PEAR1: variants seen among roughly 807,000 people sequenced by gnomAD.
The protein encoded by PEAR1 is platelet endothelial aggregation receptor 1.
A neutral mutation model predicts 131.2 loss-of-function variants in PEAR1; 113 were observed. That is an observed-to-expected ratio of 0.86 (90% CI 0.74 to 1.01). The LOEUF (loss-of-function observed/expected upper bound fraction) is 1.01. Ranked by LOEUF, PEAR1 falls within the 50% of genes least tolerant of loss-of-function variation. The pLI is 0.00. For synonymous variants in PEAR1, 565 were observed against 523.3 expected, an observed-to-expected ratio of 1.08 and a Z score of -1.09; for missense variants, 1,408 against 1,391.1, an observed-to-expected ratio of 1.01 and a Z score of -0.19.
In PEAR1 at chr1:156,903,913, T is replaced by C. The variant is rs758563670; in HGVS notation, c.-9-5T>C. 1.2e-6 allele frequency: 2 copies of C among 1,611,962 alleles called. No individual in the cohort carries two copies. Among genetic ancestry groups the C allele is most frequent in the Admixed American group, 1.7e-5 (1 of 59,996 alleles). On this transcript the variant is annotated splice_region_variant and splice_polypyrimidine_tract_variant and intron_variant, in intron 1 of 22. Transcript: ENST00000292357. Reference sequence around the variant, plus strand: ...ACTGCCCACTCTGCGCCGGTCTTGCTGCAGGCCTCTGCAATGTCACCGCCT... The same window carrying C: ...ACTGCCCACTCTGCGCCGGTCTTGCCGCAGGCCTCTGCAATGTCACCGCCT...
chr1:156,910,238 C>T lies in PEAR1; in HGVS notation c.1683C>T (p.Ala561=). 1.2e-6 allele frequency: 2 copies of T among 1,610,234 alleles called. No individual in the cohort carries two copies. Among genetic ancestry groups the T allele is most frequent in the South Asian group, 1.1e-5 (1 of 90,666 alleles). The stretch of plus-strand genomic sequence containing the variant: ...CCCGACTGCTGTCTCCCACAGGTGC[C>T]CGCTGCCACCTGTCCTGCCCTGAGG... The part of the protein sequence containing the change: ...RCQCQAGWMG[A]RCHLSCPEGL... Residue 561 remains alanine, a synonymous_variant, in exon 14 of 23, where the codon GCC becomes GCT. Transcript: ENST00000292357.
intron 16 of PEAR1, 59 bp downstream of exon 16, chr1:156,912,434 A>G (rs1651325518): frequency 1.9e-6 from 3 of 1,602,194 alleles, no homozygotes; most frequent in African/African-American, 1.3e-5. Context: ...ACCCAAAAAA[A>G]GGAGACTAGA....
chr1:156,896,492 C>A (rs756126821), intron 1 of PEAR1, among the ~76,000 whole-genome samples: 1 of 152,178 alleles, frequency 6.6e-6, no homozygotes, highest in Non-Finnish European at 1.5e-5. Context: ...TCCAGGGTGG[C>A]GGCGAGGGTT....
In PEAR1 at chr1:156,908,130, G is replaced by A; in HGVS notation, c.905G>A (p.Cys302Tyr). The A allele has an allele frequency of 6.3e-7, 1 of 1,597,306 alleles. No homozygotes were observed. Among genetic ancestry groups the A allele is most frequent in the Non-Finnish European group, 8.5e-7 (1 of 1,172,444 alleles). ...GGCTCACTCAGCTAGGTGCCCAGGT[G>A]CCGGGAGGAGTGCCCGGTGGGCCGC... The part of the protein sequence containing the change: ...RCAPGYTGDR[C>Y]REECPVGRFG... The change falls in exon 9 of 23, where the codon TGC (cysteine) becomes TAC (tyrosine). Residue 302 changes from cysteine (C) to tyrosine (Y), a missense_variant and splice_region_variant. Cys to Tyr is a radical substitution (Grantham distance 194, BLOSUM62 -2). Transcript: ENST00000292357. The surrounding 1 kb of genome is among the most constrained non-coding windows in gnomAD (Gnocchi z 4.2).
rs983053997 is a variant in PEAR1, at chr1:156,908,111, C to T, written c.903-17C>T. On this transcript the variant is annotated splice_polypyrimidine_tract_variant and intron_variant, in intron 8 of 22. Transcript: ENST00000292357. This position sits in a 1 kb window ranked among gnomAD's most constrained non-coding sequence, Gnocchi z 4.2. ...AGGAGGTGGGGCGCCGCCAGGCTCA[C>T]TCAGCTAGGTGCCCAGGTGCCGGGA... is the stretch of plus-strand genomic sequence containing the variant. 1 of 1,594,152 alleles carries T rather than the reference C, an allele frequency of 6.3e-7. No homozygotes were observed. Among genetic ancestry groups the T allele is most frequent in the African/African-American group, 1.3e-5 (1 of 74,840 alleles).
rs1478456457 is a variant in PEAR1, at chr1:156,908,584, G to C, written c.1116-71G>C. 6.4e-6 allele frequency: 9 copies of C among 1,398,732 alleles called. No homozygotes were observed. In the East Asian group the frequency reaches 1.3e-4, roughly 20 times the overall value. 86.6% of individuals were successfully genotyped at this position (1,398,732 alleles called of 1,614,324 possible). A position where few individuals can be genotyped will look rare whatever the true frequency, so the allele number is the denominator to read the frequency against. ...GCGATGTGCGAATCCCACTGACCACGCGGAGGGGTCGGGAAGCTGCCCTGC... is the reference window on the plus strand; with the variant it reads ...GCGATGTGCGAATCCCACTGACCACCCGGAGGGGTCGGGAAGCTGCCCTGC... On this transcript the variant is annotated intron_variant, in intron 9 of 22. Transcript: ENST00000292357. The surrounding 1 kb of genome is among the most constrained non-coding windows in gnomAD (Gnocchi z 4.2).
In PEAR1 at chr1:156,913,377, C is replaced by G. The variant is rs199565078; in HGVS notation, c.2512-14C>G. 1.6e-5 allele frequency: 26 copies of G among 1,612,732 alleles called. No individual in the cohort carries two copies. The highest frequency in any genetic ancestry group is 2.0e-5 in the Non-Finnish European group (23 of 1,179,420). On this transcript the variant is annotated splice_polypyrimidine_tract_variant and intron_variant, in intron 19 of 22. Coordinates refer to ENST00000292357, the MANE Select transcript of PEAR1 (RefSeq NM_001080471.3). The stretch of plus-strand genomic sequence containing the variant: ...CTTGCCTCTTGCTCTCCCTCCTGCA[C>G]TGTCCCCTCTTAGGTTCCAGGCCCG...
At chr1:156,905,087 G>GA (rs1558129698) in intron 3 of PEAR1, 1 of 1,358,460 alleles carries the variant, frequency 7.4e-7, no homozygotes, top group African/African-American at 1.5e-5. Context: ...GGGGTTGGGG[G>GA]GGGGGCAAGA....
chr1:156,908,655 C>A lies in PEAR1; in HGVS notation c.1116C>A (p.Ser372Arg), dbSNP rs1478738356. Reference protein sequence around the residue: ...PCTCDREHSLSCHPMNGECSC... With the variant: ...PCTCDREHSLRCHPMNGECSC... Reference sequence around the variant, plus strand: ...GCCACGCCCCCGCCTCTGCCCCCAGCTGCCACCCGATGAACGGGGAGTGCT... The same window carrying A: ...GCCACGCCCCCGCCTCTGCCCCCAGATGCCACCCGATGAACGGGGAGTGCT... The change falls in exon 10 of 23, where the codon AGC becomes AGA. Residue 372 changes from serine (S) to arginine (R), a missense_variant and splice_region_variant. By Grantham distance (110) the Ser-to-Arg change is moderately radical (BLOSUM62 -1). Transcript: ENST00000292357. The surrounding 1 kb of genome is among the most constrained non-coding windows in gnomAD (Gnocchi z 4.2). The A allele has an allele frequency of 1.3e-6, 2 of 1,523,018 alleles. No individual in the cohort carries two copies. The highest frequency in any genetic ancestry group is 2.8e-5 in the African/African-American group (2 of 72,712). 94.3% of individuals were successfully genotyped at this position (1,523,018 alleles called of 1,614,324 possible). A position where few individuals can be genotyped will look rare whatever the true frequency, so the allele number is the denominator to read the frequency against.
Position 156,905,089 on chromosome 1 carries a change from G to T in PEAR1, c.207-235G>T, listed in dbSNP as rs868397991. ...AGTATATGCCTGTGGGGTTGGGGGG[G>T]GGGCAAGAAGGGAATGCTCTTTCTT... On this transcript the variant is annotated intron_variant, in intron 3 of 22. Coordinates refer to ENST00000292357, the MANE Select transcript of PEAR1 (RefSeq NM_001080471.3). 254 of 1,309,386 alleles carry T rather than the reference G, an allele frequency of 1.9e-4. 6 individuals are homozygous for T. In the South Asian group the frequency reaches 2.4e-3, roughly 12 times the overall value. The allele number at this position is 1,309,386 out of a possible 1,614,324, so 81.1% of individuals were successfully genotyped here. A position where few individuals can be genotyped will look rare whatever the true frequency, so the allele number is the denominator to read the frequency against.
Position 156,913,039 on chromosome 1 carries a change from TGG to T in PEAR1, c.2422+58_2422+59del, listed in dbSNP as rs1651422599. ...AGTGGCTGGCTCATAGGCACAAGAGTGGATGCTGGGCATGACCCAAAGGGAAG... is the reference window on the plus strand; with the variant it reads ...AGTGGCTGGCTCATAGGCACAAGAGTATGCTGGGCATGACCCAAAGGGAAG... On this transcript the variant is annotated intron_variant, in intron 18 of 22. Coordinates refer to ENST00000292357, the MANE Select transcript of PEAR1 (RefSeq NM_001080471.3). 3.6e-5 allele frequency: 57 copies of T among 1,599,930 alleles called. No homozygotes were observed. In the South Asian group the frequency reaches 5.8e-4, roughly 16 times the overall value.
intron 1 of PEAR1, among the ~76,000 whole-genome samples, chr1:156,894,123 G>A (rs532218746): frequency 6.6e-6 from 1 of 152,314 alleles, no homozygotes; most frequent in African/African-American, 2.4e-5. Flanking sequence ...CCTGGTCCCC[G>A]GACTTTGTGA....
At chr1:156,912,129 C>T (rs1651276930) in intron 15 of PEAR1, 118 bp from the exon 16 acceptor site, 1 of 1,299,676 alleles carries the variant, frequency 7.7e-7, no homozygotes, top group Non-Finnish European at 1.0e-6. Flanking sequence ...CTGTTCAAAG[C>T]TTTGGTGTGC....
At chr1:156,914,586 G>C (rs1430703782) in intron 22 of PEAR1, 61 bp from the exon 23 acceptor site, 1 of 1,526,816 alleles carries the variant, frequency 6.5e-7, no homozygotes, top group Non-Finnish European at 8.9e-7. Context: ...AGTGGGAGTG[G>C]AGGGAGTGGG....
chr1:156,904,325 GT>G (rs1649991223), intron 2 of PEAR1, among the ~76,000 whole-genome samples: 1 of 152,168 alleles, frequency 6.6e-6, no homozygotes, highest in Non-Finnish European at 1.5e-5. Context: ...GCCATTCGTT[GT>G]GGAGCAAGCA....
intron 5 of PEAR1, 81 bp downstream of exon 5, chr1:156,906,449 G>T: frequency 6.4e-7 from 1 of 1,567,486 alleles, no homozygotes; most frequent in Non-Finnish European, 8.7e-7. Context: ...CCCTACCAGG[G>T]CACAGGGGCT....
chr1:156,896,789 T>G (rs965148140), intron 1 of PEAR1, among the ~76,000 whole-genome samples: 1 of 152,170 alleles, frequency 6.6e-6, no homozygotes, highest in Admixed American at 6.5e-5. Context: ...TCCAGGTGAC[T>G]CAGGGCCTGG....
At position 156,914,674 on chromosome 1, in the gene PEAR1, C is replaced by A; in HGVS notation, c.2990C>A (p.Pro997His). The change falls in exon 23 of 23, where the codon CCT becomes CAT. Residue 997 changes from proline (P) to histidine (H), a missense_variant. Coordinates refer to ENST00000292357, the MANE Select transcript of PEAR1 (RefSeq NM_001080471.3). ...HDRDSVGSQP[P>H]LPPGLPPGHY... Reference sequence around the variant, plus strand: ...CGAGACTCTGTGGGCTCCCAGCCCCCTCTGCCTCCGGGCCTACCCCCCGGC... The same window carrying A: ...CGAGACTCTGTGGGCTCCCAGCCCCATCTGCCTCCGGGCCTACCCCCCGGC... The A allele has an allele frequency of 6.2e-7, 1 of 1,613,324 alleles. No individual in the cohort carries two copies. Among genetic ancestry groups the A allele is most frequent in the Non-Finnish European group, 8.5e-7 (1 of 1,179,566 alleles).
chr1:156,914,297 A>G (rs1032211485), intron 22 of PEAR1, among the ~76,000 whole-genome samples, 197 bp downstream of exon 22: 5 of 152,228 alleles, frequency 3.3e-5, no homozygotes, highest in African/African-American at 9.7e-5. Flanking sequence ...TCTGGAGAAC[A>G]GTATGGTGTA....
Sources: gnomAD v4.1 joint callset for allele counts (sites outside exome capture counted in the v4.1 genomes callset) on GRCh38, gnomAD v4.1.1 for gene constraint, Gnocchi (gnomAD v3.1) non-coding constraint, MANE v1.5 for transcripts, NCBI Gene and HGNC (gene_info 2026-07-23, HGNC 2026-07-21) for gene names.